The following TENM2 variants were observed in gnomAD, a reference collection of about 807,000 sequenced individuals.
The protein encoded by TENM2 is teneurin-2.
In TENM2, 52 loss-of-function variants were observed where a neutral mutation model predicts 245.2. The observed-to-expected ratio is 0.21, with a 90% CI of 0.17 to 0.27. The LOEUF is 0.27. Among genes scored for constraint, TENM2 ranks in the 10% least tolerant of loss-of-function variants. The pLI is 1.00. For missense variants in TENM2, 3,046 were observed against 3,666.8 expected (o/e 0.83, Z 4.37); for synonymous variants, 1,363 against 1,438.9 (o/e 0.95, Z 1.19).
chr5:167,455,976 A>G (rs963522091), intron 2 of TENM2, among the ~76,000 whole-genome samples: 4 of 152,210 alleles, frequency 2.6e-5, no homozygotes, highest in Non-Finnish European at 5.9e-5. Context: ...AAGAGCAACA[A>G]AATCATGAAT....
intron 1 of TENM2, among the ~76,000 whole-genome samples, chr5:167,363,022 A>C (rs1202434644): frequency 6.6e-6 from 1 of 152,228 alleles, no homozygotes; most frequent in African/African-American, 2.4e-5. Context: ...GAGAAAATGG[A>C]AACAGAAGTA....
chr5:167,836,464 T>A (rs533986839), intron 2 of TENM2, among the ~76,000 whole-genome samples: 12 of 152,322 alleles, frequency 7.9e-5, no homozygotes, highest in African/African-American at 2.4e-4. Flanking sequence ...GTGACATCTT[T>A]TTAAGGACCC....
the TENM2 span, among the ~76,000 whole-genome samples, chr5:167,075,176 A>G: frequency 6.6e-6 from 1 of 152,128 alleles, no homozygotes; most frequent in Non-Finnish European, 1.5e-5. Flanking sequence ...CCAGCAAGTA[A>G]CAGACCAGAA....
At chr5:168,184,860 T>C (rs1760245726) in intron 13 of TENM2, among the ~76,000 whole-genome samples, 1 of 152,122 alleles carries the variant, frequency 6.6e-6, no homozygotes, top group Non-Finnish European at 1.5e-5. Context: ...CAGAGTACAC[T>C]AGACAGGGGA....
chr5:168,252,050 C>T (rs1767159669), intron 27 of TENM2, among the ~76,000 whole-genome samples: 2 of 152,138 alleles, frequency 1.3e-5, no homozygotes, highest in South Asian at 2.1e-4. Context: ...GATTGACATA[C>T]CTGTGATGAA....
chr5:167,063,524 T>C, the TENM2 span, among the ~76,000 whole-genome samples: 1 of 152,208 alleles, frequency 6.6e-6, no homozygotes, highest in Non-Finnish European at 1.5e-5. Flanking sequence ...TTATGTCTGC[T>C]ATTAGGCCAG....
In TENM2 at chr5:168,215,039, GC is replaced by G; in HGVS notation, c.3846del (p.Ser1282ArgfsTer35). 6.2e-7 allele frequency: 1 copy of G among 1,613,578 alleles called. No homozygotes were observed. Among genetic ancestry groups the G allele is most frequent in the Non-Finnish European group, 8.5e-7 (1 of 1,179,744 alleles). ...TTCTCTTTGTGCTTCTTCTACTAAA[GC>G]AACAACCCAGCACACAAGTACTACT... On this transcript the variant is annotated frameshift_variant and splice_region_variant, in exon 21 of 29. Coordinates refer to ENST00000518659, the Ensembl canonical transcript of TENM2. LOFTEE classifies it high-confidence loss of function.
chr5:168,023,025 C>A (rs1174503217), intron 5 of TENM2, among the ~76,000 whole-genome samples: 2 of 152,180 alleles, frequency 1.3e-5, no homozygotes, highest in Non-Finnish European at 2.9e-5. Context: ...TGCTTGGCCA[C>A]CACAGCTCGG....
At chr5:167,486,749 C>T (rs919036121) in intron 2 of TENM2, among the ~76,000 whole-genome samples, 1 of 152,142 alleles carries the variant, frequency 6.6e-6, no homozygotes, top group Non-Finnish European at 1.5e-5. Context: ...TCAACTACTG[C>T]ATGGCATTTG....
At chr5:167,571,076 G>A (rs1345509378) in intron 2 of TENM2, among the ~76,000 whole-genome samples, 4 of 152,172 alleles carry the variant, frequency 2.6e-5, no homozygotes, top group Non-Finnish European at 4.4e-5. Flanking sequence ...TCCATTTTGA[G>A]GTGATGAAAT....
exon 18 of TENM2, chr5:168,203,699 G>T (rs1438111128): frequency 1.2e-6 from 2 of 1,607,620 alleles, no homozygotes; most frequent in Non-Finnish European, 1.7e-6. Context: ...TGTCTGTCGG[G>T]TTTGAATATG....
intron 1 of TENM2, among the ~76,000 whole-genome samples, chr5:167,344,485 C>G (rs1758342750): frequency 6.6e-6 from 1 of 151,442 alleles, no homozygotes; most frequent in Non-Finnish European, 1.5e-5. Context: ...ACCAAATGTA[C>G]TAAGGAGAAA....
chr5:167,229,627 C>T, the TENM2 span, among the ~76,000 whole-genome samples: 2 of 152,118 alleles, frequency 1.3e-5, no homozygotes, highest in African/African-American at 2.4e-5. Flanking sequence ...CCTCAGAGCC[C>T]AAGGGAAGTT....
intron 2 of TENM2, among the ~76,000 whole-genome samples, chr5:167,465,404 G>GA (rs1766579887): frequency 6.6e-6 from 1 of 152,190 alleles, no homozygotes; most frequent in South Asian, 2.1e-4. Flanking sequence ...GGGCAAAGGA[G>GA]AATCATGAGC....
chr5:167,001,970 C>G, the TENM2 span, among the ~76,000 whole-genome samples: 1 of 152,032 alleles, frequency 6.6e-6, no homozygotes, highest in African/African-American at 2.4e-5. Flanking sequence ...TAATTCATAT[C>G]ATATAAAATT....
chr5:168,076,903 C>A (rs932285691), intron 7 of TENM2, among the ~76,000 whole-genome samples: 1 of 152,066 alleles, frequency 6.6e-6, no homozygotes, highest in Admixed American at 6.6e-5. Flanking sequence ...ATGAGAGAGG[C>A]GGGCCAGCAC....
chr5:168,189,909 G>A (rs1760795998), intron 13 of TENM2, among the ~76,000 whole-genome samples: 1 of 152,110 alleles, frequency 6.6e-6, no homozygotes, highest in African/African-American at 2.4e-5. Context: ...TGCCCAGCCA[G>A]AAATTCCATG....
chr5:168,048,561 G>T (rs934509743), intron 6 of TENM2, among the ~76,000 whole-genome samples: 2 of 152,142 alleles, frequency 1.3e-5, no homozygotes, highest in African/African-American at 4.8e-5. Flanking sequence ...AGGACCAGAA[G>T]GTATAGAAAC....
At chr5:167,936,816 T>C (rs1253023677) in intron 3 of TENM2, among the ~76,000 whole-genome samples, 1 of 152,204 alleles carries the variant, frequency 6.6e-6, no homozygotes, top group Non-Finnish European at 1.5e-5. Context: ...ACCCCAGCCC[T>C]GTCTCAGTCT....
Sources: allele counts gnomAD v4.1 joint callset (sites outside exome capture counted in the v4.1 genomes callset), GRCh38; gene constraint gnomAD v4.1.1; transcripts MANE v1.5; gene names NCBI Gene and HGNC (gene_info 2026-07-23, HGNC 2026-07-21).